Variants in JAKMIP1 observed in about 807,000 individuals in gnomAD.
JAKMIP1 encodes the protein janus kinase and microtubule interacting protein 1.
Under a neutral mutation model 113.0 loss-of-function variants are expected in JAKMIP1, and 33 were observed. That is an observed-to-expected ratio of 0.29 (90% confidence interval 0.22 to 0.39). The LOEUF (loss-of-function observed/expected upper bound fraction) is 0.39, where lower values mean the gene tolerates loss of function less well. JAKMIP1 is among the 10% of genes least tolerant of loss of function. JAKMIP1 has a pLI of 1.00. For synonymous variants in JAKMIP1, 480 were observed against 459.9 expected (o/e 1.04, Z -0.56); for missense variants, 813 against 1,080.5 (o/e 0.75, Z 3.47).
chr4:6,035,752 A>G (rs1713334893), intron 19 of JAKMIP1, among the ~76,000 whole-genome samples, 152 bp downstream of exon 19: 1 of 152,228 alleles, frequency 6.6e-6, no homozygotes, highest in African/African-American at 2.4e-5. Context: ...TATGATGGGC[A>G]TCTATGAAAT....
In JAKMIP1 at chr4:6,162,825, A is replaced by G. The variant is rs900180479; in HGVS notation, c.-148+37428T>C. Among the ~76,000 whole-genome samples the G allele has an allele frequency of 6.6e-6, 1 of 152,170 alleles. No individual in the cohort carries two copies. Among genetic ancestry groups the G allele is most frequent in the Admixed American group, 6.5e-5 (1 of 15,280 alleles). Reference sequence around the variant, plus strand: ...CATTCCAAAGCCTGGGTCCCTAACCATCAAGGACTCTCTTGAATCCAAAGC... The same window carrying G: ...CATTCCAAAGCCTGGGTCCCTAACCGTCAAGGACTCTCTTGAATCCAAAGC... On this transcript the variant is annotated intron_variant, in intron 1 of 20. Coordinates refer to ENST00000409021, the MANE Select transcript of JAKMIP1 (RefSeq NM_001099433.2). The surrounding 1 kb of genome is among the most constrained non-coding windows in gnomAD (Gnocchi z 5.6).
chr4:6,133,189 T>C (rs1455820292), intron 1 of JAKMIP1, among the ~76,000 whole-genome samples: 1 of 152,158 alleles, frequency 6.6e-6, no homozygotes. Flanking sequence ...ACAATGCCCA[T>C]GCCAGCCAGA....
intron 1 of JAKMIP1, among the ~76,000 whole-genome samples, chr4:6,113,765 A>G (rs527413172): frequency 8.0e-4 from 121 of 151,976 alleles, no homozygotes; most frequent in Non-Finnish European, 1.5e-3. Flanking sequence ...CTCGTTTTCC[A>G]TCTGACAAAC....
Position 6,116,611 on chromosome 4 carries a change from C to A in JAKMIP1, c.-147-3614G>T, listed in dbSNP as rs2108898705. Reference sequence around the variant, plus strand: ...CCCAGAACTGAAATATCTCTGCAGCCCACCCATCTCTGACATCACATGTCC... The same window carrying A: ...CCCAGAACTGAAATATCTCTGCAGCACACCCATCTCTGACATCACATGTCC... On this transcript the variant is annotated intron_variant, in intron 1 of 20. Transcript: ENST00000409021. This position sits in a 1 kb window ranked among gnomAD's most constrained non-coding sequence, Gnocchi z 5.1. 6.7e-6 allele frequency among the ~76,000 whole-genome samples: 1 copy of A among 150,168 alleles called. No individual in the cohort carries two copies. Among genetic ancestry groups the A allele is most frequent in the African/African-American group, 2.5e-5 (1 of 40,018 alleles).
chr4:6,078,146 C>T (rs1014307303), intron 8 of JAKMIP1, among the ~76,000 whole-genome samples: 2 of 151,982 alleles, frequency 1.3e-5, no homozygotes, highest in African/African-American at 2.4e-5. Flanking sequence ...GAAACCCTGC[C>T]GCTACTAAAA....
At chr4:6,198,762 C>T (rs1023580702) in intron 1 of JAKMIP1, among the ~76,000 whole-genome samples, 1 of 152,216 alleles carries the variant, frequency 6.6e-6, no homozygotes, top group Admixed American at 6.5e-5. Flanking sequence ...CTAATTCCCC[C>T]ACTCTATCCC....
chr4:6,078,869 C>T (rs1428304366), intron 8 of JAKMIP1, 70 bp downstream of exon 8: 7 of 1,516,408 alleles, frequency 4.6e-6, no homozygotes, highest in Non-Finnish European at 6.4e-6. Flanking sequence ...CTCCCCACTC[C>T]ACGACCCATC....
chr4:6,091,962 A>G (rs1012754422), intron 3 of JAKMIP1, among the ~76,000 whole-genome samples: 1 of 152,154 alleles, frequency 6.6e-6, no homozygotes, highest in Non-Finnish European at 1.5e-5. Context: ...CACTCTCCCC[A>G]TGCTGGGACA....
intron 1 of JAKMIP1, among the ~76,000 whole-genome samples, chr4:6,174,276 A>G (rs1400402501): frequency 6.6e-6 from 1 of 152,222 alleles, no homozygotes; most frequent in Admixed American, 6.5e-5. Context: ...CGTCAGAGGT[A>G]TTGTGAACCA....
chr4:6,153,494 C>T lies in JAKMIP1; in HGVS notation c.-147-40497G>A, dbSNP rs1438369326. ...CCAAACCTCAGTCATCAGTTGCCGC[C>T]GCTGTGACTTCTGCATAAAATGCAT... On this transcript the variant is annotated intron_variant, in intron 1 of 20. Coordinates refer to ENST00000409021, the MANE Select transcript of JAKMIP1 (RefSeq NM_001099433.2). The surrounding 1 kb of genome is among the most constrained non-coding windows in gnomAD (Gnocchi z 4.9). Among the ~76,000 whole-genome samples the T allele has an allele frequency of 1.3e-5, 2 of 152,214 alleles. No homozygotes were observed. The highest frequency in any genetic ancestry group is 2.4e-5 in the African/African-American group (1 of 41,458).
At chr4:6,102,297 T>C (rs139195558) in intron 3 of JAKMIP1, among the ~76,000 whole-genome samples, 3 of 152,262 alleles carry the variant, frequency 2.0e-5, no homozygotes, top group Admixed American at 1.3e-4. Flanking sequence ...ATGTTCTGAA[T>C]GTGTCTCACA....
In JAKMIP1 at chr4:6,050,512, A is replaced by T; in HGVS notation, c.1908+66T>A. The T allele has an allele frequency of 9.1e-7, 1 of 1,097,994 alleles. No individual in the cohort carries two copies. The highest frequency in any genetic ancestry group is 1.3e-6 in the Non-Finnish European group (1 of 745,452). The allele number at this position is 1,097,994 out of a possible 1,614,324, so 68.0% of individuals were successfully genotyped here. On this transcript the variant is annotated intron_variant, in intron 14 of 20. Transcript: ENST00000409021. The surrounding 1 kb of genome is among the most constrained non-coding windows in gnomAD (Gnocchi z 7.4). ...TTCTATCCCAGCACTCCCCCTTTGCAGCTGAGCCGGGCACTGAGCGAGCCC... is the reference window on the plus strand; with the variant it reads ...TTCTATCCCAGCACTCCCCCTTTGCTGCTGAGCCGGGCACTGAGCGAGCCC...
intron 19 of JAKMIP1, among the ~76,000 whole-genome samples, chr4:6,034,628 G>A (rs886504293): frequency 2.6e-5 from 4 of 152,008 alleles, no homozygotes; most frequent in Non-Finnish European, 4.4e-5. Flanking sequence ...ATGGAGAAAC[G>A]CCGTCTCTAC....
rs767795287 is a variant in JAKMIP1, at chr4:6,097,327, T to C, written c.624+8146A>G. Among the ~76,000 whole-genome samples, 21 of 152,196 alleles carry C rather than the reference T, an allele frequency of 1.4e-4. No homozygotes were observed. The highest frequency in any genetic ancestry group is 3.2e-3 in the Middle Eastern group (1 of 316). On this transcript the variant is annotated intron_variant, in intron 3 of 20. Coordinates refer to ENST00000409021, the MANE Select transcript of JAKMIP1 (RefSeq NM_001099433.2). The surrounding 1 kb of genome is among the most constrained non-coding windows in gnomAD (Gnocchi z 4.3). ...TCTGAATTTATATGCTACCAATAAG[T>C]AATCACTTCTTACACTTATTCACAC... is the stretch of plus-strand genomic sequence containing the variant.
chr4:6,086,516 G>A lies in JAKMIP1; in HGVS notation c.625-887C>T, dbSNP rs1214941366. ...GCCCTGTCTTGTCCAGCCTTCCTAT[G>A]GGGGAGTGTCAGAAAGGACACAGGC... is the stretch of plus-strand genomic sequence containing the variant. On this transcript the variant is annotated intron_variant, in intron 3 of 20. Coordinates refer to ENST00000409021, the MANE Select transcript of JAKMIP1 (RefSeq NM_001099433.2). The surrounding 1 kb of genome is among the most constrained non-coding windows in gnomAD (Gnocchi z 4.1). Among the ~76,000 whole-genome samples the A allele has an allele frequency of 6.6e-6, 1 of 151,932 alleles. No individual in the cohort carries two copies. The highest frequency in any genetic ancestry group is 1.5e-5 in the Non-Finnish European group (1 of 67,980).
Position 6,153,998 on chromosome 4 carries a change from C to T in JAKMIP1, c.-147-41001G>A, listed in dbSNP as rs4580723. 0.032 allele frequency among the ~76,000 whole-genome samples: 4,907 copies of T among 152,242 alleles called. 91 individuals carry two copies. Among genetic ancestry groups the T allele is most frequent in the Admixed American group, 0.058 (892 of 15,290 alleles). ...ACAGAGTCTGCCCAGGTCTTGTATGCGGCAGATGTTTACTAAATACTGGCT... is the reference window on the plus strand; with the variant it reads ...ACAGAGTCTGCCCAGGTCTTGTATGTGGCAGATGTTTACTAAATACTGGCT... On this transcript the variant is annotated intron_variant, in intron 1 of 20. Coordinates refer to ENST00000409021, the MANE Select transcript of JAKMIP1 (RefSeq NM_001099433.2). The surrounding 1 kb of genome is among the most constrained non-coding windows in gnomAD (Gnocchi z 4.9).
chr4:6,068,181 A>G (rs963436571), intron 8 of JAKMIP1, among the ~76,000 whole-genome samples: 1 of 151,858 alleles, frequency 6.6e-6, no homozygotes, highest in Non-Finnish European at 1.5e-5. Context: ...GCTGCCGAAA[A>G]CCCTACAGGA....
chr4:6,178,067 G>T lies in JAKMIP1; in HGVS notation c.-148+22186C>A, dbSNP rs140361895. ...CCTGTCCAGCCCCTAACCCCGCCTC[G>T]TTGGCCACGCCCACTTCATGCTTCC... On this transcript the variant is annotated intron_variant, in intron 1 of 20. Coordinates refer to ENST00000409021, the MANE Select transcript of JAKMIP1 (RefSeq NM_001099433.2). This position sits in a 1 kb window ranked among gnomAD's most constrained non-coding sequence, Gnocchi z 5.5. Among the ~76,000 whole-genome samples, 1 of 152,040 alleles carries T rather than the reference G, an allele frequency of 6.6e-6. No homozygotes were observed. Among genetic ancestry groups the T allele is most frequent in the Non-Finnish European group, 1.5e-5 (1 of 68,006 alleles).
chr4:6,074,403 G>T (rs1719413496), intron 8 of JAKMIP1, among the ~76,000 whole-genome samples: 1 of 152,226 alleles, frequency 6.6e-6, no homozygotes, highest in African/African-American at 2.4e-5. Context: ...TTTCTGGAAA[G>T]TTCTGGAACT....
Sources: allele counts gnomAD v4.1 joint callset (sites outside exome capture counted in the v4.1 genomes callset), GRCh38; gene constraint gnomAD v4.1.1; non-coding constraint Gnocchi (gnomAD v3.1); transcripts MANE v1.5; gene names NCBI Gene and HGNC (gene_info 2026-07-23, HGNC 2026-07-21).